NALCN: variants seen among roughly 807,000 people sequenced by gnomAD.
The protein encoded by NALCN is sodium leak channel, non-selective, also known as sodium leak channel NALCN.
In NALCN, 111 loss-of-function variants were observed where a neutral mutation model predicts 225.3. The observed-to-expected ratio is 0.49, with a 90% CI of 0.42 to 0.58. The LOEUF (loss-of-function observed/expected upper bound fraction) is 0.58. NALCN is among the 20% of genes least tolerant of loss of function. The pLI, the probability that NALCN is intolerant of heterozygous loss-of-function variation, is 0.00. For synonymous variants in NALCN, 764 were observed against 769.0 expected (o/e 0.99, Z 0.11); for missense variants, 1,378 against 2,202.4 (o/e 0.63, Z 7.49).
chr13:101,178,803 C>G (rs912899930), intron 14 of NALCN, among the ~76,000 whole-genome samples: 2 of 152,164 alleles, frequency 1.3e-5, no homozygotes, highest in African/African-American at 2.4e-5. Flanking sequence ...CTTGAGAACA[C>G]GTATGGAAAG....
intron 11 of NALCN, among the ~76,000 whole-genome samples, chr13:101,250,587 A>G (rs554859120): frequency 2.6e-5 from 4 of 152,020 alleles, no homozygotes; most frequent in African/African-American, 7.2e-5. Flanking sequence ...TCCTTATCTC[A>G]TTCCAAATGT....
At chr13:101,092,768 T>C (rs1342053363) in intron 28 of NALCN, among the ~76,000 whole-genome samples, 1 of 152,174 alleles carries the variant, frequency 6.6e-6, no homozygotes. Context: ...CCAAATTGTT[T>C]GGGCCTTAGA....
chr13:101,363,426 T>C (rs1321096794), intron 6 of NALCN, among the ~76,000 whole-genome samples: 1 of 151,836 alleles, frequency 6.6e-6, no homozygotes, highest in African/African-American at 2.4e-5. Flanking sequence ...AACCCAGAAA[T>C]AAATACATGC....
At chr13:101,305,420 A>C (rs1456976311) in intron 7 of NALCN, among the ~76,000 whole-genome samples, 1 of 152,236 alleles carries the variant, frequency 6.6e-6, no homozygotes, top group Non-Finnish European at 1.5e-5. Flanking sequence ...ATTGAAGTTA[A>C]AGAGGCACAA....
At chr13:101,327,384 TGGG>T (rs5806209) in intron 7 of NALCN, among the ~76,000 whole-genome samples, 1 of 151,466 alleles carries the variant, frequency 6.6e-6, no homozygotes, top group African/African-American at 2.4e-5. Context: ...GCTAAAACAT[TGGG>T]GGGGATGATA....
intron 7 of NALCN, among the ~76,000 whole-genome samples, chr13:101,311,723 G>C (rs2044353399): frequency 6.6e-6 from 1 of 152,148 alleles, no homozygotes; most frequent in Non-Finnish European, 1.5e-5. Context: ...CCTGATCATG[G>C]TGGATAAGCT....
intron 13 of NALCN, among the ~76,000 whole-genome samples, chr13:101,200,719 C>T (rs1326045468): frequency 6.6e-6 from 1 of 152,084 alleles, no homozygotes; most frequent in East Asian, 1.9e-4. Flanking sequence ...TCTCAAGCCC[C>T]AAGAACCCAT....
intron 6 of NALCN, among the ~76,000 whole-genome samples, chr13:101,375,609 G>A (rs1381491286): frequency 6.6e-6 from 1 of 152,078 alleles, no homozygotes; most frequent in African/African-American, 2.4e-5. Flanking sequence ...AAGATGAATG[G>A]CTGCTTGTAA....
At chr13:101,230,787 G>C (rs1453676355) in intron 12 of NALCN, among the ~76,000 whole-genome samples, 1 of 151,976 alleles carries the variant, frequency 6.6e-6, no homozygotes. Context: ...TGTATTTTTG[G>C]ATCTTTGTTA....
chr13:101,404,876 G>A (rs537558341), intron 1 of NALCN, among the ~76,000 whole-genome samples: 1 of 152,156 alleles, frequency 6.6e-6, no homozygotes, highest in South Asian at 2.1e-4. Flanking sequence ...ATGCTTATAC[G>A]TGCAAGGCCT....
intron 3 of NALCN, among the ~76,000 whole-genome samples, chr13:101,389,938 C>T (rs572122691): frequency 1.1e-4 from 17 of 152,080 alleles, no homozygotes; most frequent in Admixed American, 2.6e-4. Context: ...AAAAATTAGC[C>T]GGGTGTGGTG....
chr13:101,313,819 C>A (rs2044447806), intron 7 of NALCN, among the ~76,000 whole-genome samples: 1 of 151,912 alleles, frequency 6.6e-6, no homozygotes. Flanking sequence ...GGGTATATAC[C>A]CAAAGGATTA....
At chr13:101,082,153 C>G (rs2033688618) in intron 33 of NALCN, among the ~76,000 whole-genome samples, 1 of 152,164 alleles carries the variant, frequency 6.6e-6, no homozygotes, top group South Asian at 2.1e-4. Context: ...TCTGGGGTTA[C>G]AGGAGTGAGC....
chr13:101,061,904 A>G (rs2031970966), intron 41 of NALCN, 64 bp downstream of exon 41: 1 of 1,493,456 alleles, frequency 6.7e-7, no homozygotes, highest in East Asian at 2.3e-5. Flanking sequence ...CTTTTCTTTC[A>G]TCCTCCTGCG....
intron 1 of NALCN, among the ~76,000 whole-genome samples, chr13:101,403,197 G>GT (rs2047525727): frequency 6.6e-6 from 1 of 152,088 alleles, no homozygotes; most frequent in Admixed American, 6.6e-5. Context: ...ATCCACTGTG[G>GT]TATCAGGCAC....
At chr13:101,303,035 C>T (rs943467751) in intron 7 of NALCN, among the ~76,000 whole-genome samples, 1 of 152,106 alleles carries the variant, frequency 6.6e-6, no homozygotes, top group African/African-American at 2.4e-5. Context: ...TAGACCAGAA[C>T]TCTACAGAGG....
intron 10 of NALCN, among the ~76,000 whole-genome samples, chr13:101,266,473 C>T (rs565401233): frequency 1.7e-4 from 26 of 152,114 alleles, no homozygotes; most frequent in African/African-American, 6.3e-4. Flanking sequence ...AGACTGTAGG[C>T]AAAGAGACAA....
At chr13:101,239,266 T>C (rs561590406) in intron 11 of NALCN, among the ~76,000 whole-genome samples, 13 of 152,090 alleles carry the variant, frequency 8.5e-5, no homozygotes, top group South Asian at 2.1e-4. Context: ...ATTTTAAAGA[T>C]GTCATTGTCC....
At chr13:101,106,435 C>T (rs1003820444) in intron 22 of NALCN, among the ~76,000 whole-genome samples, 6 of 152,160 alleles carry the variant, frequency 3.9e-5, no homozygotes, top group South Asian at 2.1e-4. Flanking sequence ...CAGGGACACT[C>T]CAACTACATA....
Sources: allele counts gnomAD v4.1 joint callset (sites outside exome capture counted in the v4.1 genomes callset), GRCh38; gene constraint gnomAD v4.1.1; transcripts MANE v1.5; gene names NCBI Gene and HGNC (gene_info 2026-07-23, HGNC 2026-07-21).